GLDN: variants seen among roughly 807,000 people sequenced by gnomAD.
GLDN encodes the protein collomin.
In GLDN, 47 loss-of-function variants were observed where a neutral mutation model predicts 56.5. The observed-to-expected ratio is 0.83, with a 90% confidence interval of 0.66 to 1.06. The LOEUF (loss-of-function observed/expected upper bound fraction) is 1.06. Ranked by LOEUF, GLDN falls within the 50% of genes least tolerant of loss-of-function variation. The pLI is 0.00. For missense variants in GLDN, 782 were observed against 714.3 expected (o/e 1.09, Z -1.08); for synonymous variants, 332 against 278.8 (o/e 1.19, Z -1.90).
At chr15:51,365,726 C>T (rs370796548) in intron 1 of GLDN, among the ~76,000 whole-genome samples, 4 of 152,262 alleles carry the variant, frequency 2.6e-5, no homozygotes, top group African/African-American at 4.8e-5. Context: ...ATTTTGGGAA[C>T]GGATTGGACG....
At chr15:51,349,766 G>GTC (rs1247478957) in intron 1 of GLDN, among the ~76,000 whole-genome samples, 2 of 149,732 alleles carry the variant, frequency 1.3e-5, no homozygotes, top group Admixed American at 6.6e-5. Context: ...TTTAGACAGA[G>GTC]TCTCTCTCTG....
At chr15:51,400,590 T>C in intron 8 of GLDN, 92 bp downstream of exon 8, 1 of 1,334,758 alleles carries the variant, frequency 7.5e-7, no homozygotes, top group Non-Finnish European at 1.0e-6. Flanking sequence ...TGTGTGTGTC[T>C]GAAATCCCCG....
At chr15:51,373,312 G>A (rs1320703345) in intron 1 of GLDN, among the ~76,000 whole-genome samples, 1 of 152,190 alleles carries the variant, frequency 6.6e-6, no homozygotes, top group African/African-American at 2.4e-5. Flanking sequence ...TGGTCTTGTG[G>A]AACCCAAGTA....
At chr15:51,397,759 T>C (rs528982487) in intron 6 of GLDN, among the ~76,000 whole-genome samples, 161 bp downstream of exon 6, 1 of 152,296 alleles carries the variant, frequency 6.6e-6, no homozygotes, top group East Asian at 1.9e-4. Context: ...GAGTTCTTTG[T>C]AGTCTGCCCC....
At chr15:51,374,988 C>G (rs770194785) in intron 1 of GLDN, among the ~76,000 whole-genome samples, 4 of 152,076 alleles carry the variant, frequency 2.6e-5, no homozygotes, top group African/African-American at 9.7e-5. Context: ...CTTGGCCTAC[C>G]AAAGCACTGG....
Position 51,394,821 on chromosome 15 carries a change from G to GT in GLDN, c.542-7dup, listed in dbSNP as rs745777405. 6 of 1,613,578 alleles carry GT rather than the reference G, an allele frequency of 3.7e-6. No homozygotes were observed. The highest frequency in any genetic ancestry group is 1.3e-5 in the African/African-American group (1 of 74,864). ...TGCACCATAGGCTAATATGTCTTTT[G>GT]TTTTTTTGGTCAGGGATACCTGGAG... On this transcript the variant is annotated splice_polypyrimidine_tract_variant and intron_variant, in intron 4 of 9. Transcript: ENST00000335449.
chr15:51,354,403 C>T (rs546154270), intron 1 of GLDN, among the ~76,000 whole-genome samples: 1 of 152,230 alleles, frequency 6.6e-6, no homozygotes, highest in South Asian at 2.1e-4. Context: ...ATTTGGGGAC[C>T]TTGGAATCAG....
chr15:51,398,748 T>TG (rs2038188390), intron 6 of GLDN, among the ~76,000 whole-genome samples: 1 of 152,198 alleles, frequency 6.6e-6, no homozygotes. Context: ...TGGGCTGCCG[T>TG]GCAGTGCCTC....
intron 1 of GLDN, among the ~76,000 whole-genome samples, chr15:51,370,835 T>C (rs1406579373): frequency 6.6e-6 from 1 of 151,910 alleles, no homozygotes; most frequent in East Asian, 1.9e-4. Flanking sequence ...CTACTAAAAA[T>C]ACAAAAATTA....
chr15:51,363,190 AG>A lies in GLDN; in HGVS notation c.364-14258del, dbSNP rs997680414. On this transcript the variant is annotated intron_variant, in intron 1 of 9. Transcript: ENST00000335449. ...GGGAGGGGGTGCCAGCTGGAGGCAT[AG>A]TCAGGAAATCATGGAGATGCTAAGC... Among the ~76,000 whole-genome samples, 29 of 152,290 alleles carry A rather than the reference AG, an allele frequency of 1.9e-4. No individual in the cohort carries two copies. In the South Asian group the frequency reaches 3.9e-3, roughly 21 times the overall value.
At chr15:51,400,640 C>A in intron 8 of GLDN, 142 bp downstream of exon 8, 3 of 976,740 alleles carry the variant, frequency 3.1e-6, no homozygotes, top group Non-Finnish European at 4.6e-6. Context: ...TTAGAAAGAC[C>A]AATAAGTGGG....
chr15:51,349,943 C>T (rs2037045923), intron 1 of GLDN, among the ~76,000 whole-genome samples: 1 of 152,046 alleles, frequency 6.6e-6, no homozygotes, highest in Admixed American at 6.5e-5. Flanking sequence ...CGGGGTTTCA[C>T]CGTGTTAGCC....
At chr15:51,351,202 G>T in intron 1 of GLDN, 2 of 259,156 alleles carry the variant, frequency 7.7e-6, no homozygotes, top group East Asian at 9.6e-5. Context: ...TTAGAGACAG[G>T]GTCTCACTAT....
At chr15:51,383,495 G>C in intron 3 of GLDN, 42 bp downstream of exon 3, 1 of 1,610,934 alleles carries the variant, frequency 6.2e-7, no homozygotes. Flanking sequence ...GAGGCTGTGG[G>C]TGGCCAGACC....
At chr15:51,380,315 G>C (rs533490462) in intron 2 of GLDN, among the ~76,000 whole-genome samples, 4 of 152,202 alleles carry the variant, frequency 2.6e-5, no homozygotes, top group Non-Finnish European at 4.4e-5. Context: ...TGCATGGGTG[G>C]TAGGCCCAGG....
intron 4 of GLDN, among the ~76,000 whole-genome samples, chr15:51,389,393 C>G (rs2037967814): frequency 6.6e-6 from 1 of 152,174 alleles, no homozygotes; most frequent in Non-Finnish European, 1.5e-5. Flanking sequence ...GGCTTACAAT[C>G]CAGTTGAAAG....
chr15:51,383,650 G>A lies in GLDN; in HGVS notation c.434-135G>A, dbSNP rs2037818827. ...GCACTGCTTCAGCCAGAGAAGGAAG[G>A]AAAGAAGTGGGAAAGGATGTGGAAA... On this transcript the variant is annotated intron_variant, in intron 3 of 9. Coordinates refer to ENST00000335449, the MANE Select transcript of GLDN (RefSeq NM_181789.4). 8.4e-6 allele frequency: 8 copies of A among 954,546 alleles called. No homozygotes were observed. The South Asian group carries it at 1.1e-4, about 13-fold the overall frequency. The allele number at this position is 954,546 out of a possible 1,614,324, so 59.1% of individuals were successfully genotyped here. A position where few individuals can be genotyped will look rare whatever the true frequency, so the allele number is the denominator to read the frequency against.
At chr15:51,383,956 G>A (rs751585364) in intron 4 of GLDN, 64 bp downstream of exon 4, 454 of 1,206,372 alleles carry the variant, frequency 3.8e-4, no homozygotes, top group Non-Finnish European at 4.9e-4. Flanking sequence ...CATTTGGGTC[G>A]ACTAAAACTG....
chr15:51,367,431 A>G (rs904697192), intron 1 of GLDN: 3 of 152,216 alleles, frequency 2.0e-5, no homozygotes, highest in African/African-American at 7.2e-5. Flanking sequence ...CTTGCGTGCA[A>G]GAGGGCTGGC....
Sources: allele counts gnomAD v4.1 joint callset (sites outside exome capture counted in the v4.1 genomes callset), GRCh38; gene constraint gnomAD v4.1.1; transcripts MANE v1.5; gene names NCBI Gene and HGNC (gene_info 2026-07-23, HGNC 2026-07-21).